RRM1: variants seen among roughly 807,000 people sequenced by gnomAD.
RRM1 encodes ribonucleoside-diphosphate reductase large subunit.
In RRM1, 19 loss-of-function variants were observed where a neutral mutation model predicts 101.5. That is an observed-to-expected ratio of 0.19 (90% confidence interval 0.13 to 0.27). RRM1 has a LOEUF of 0.27. RRM1 is among the 10% of genes least tolerant of loss of function. RRM1 has a pLI of 1.00. For missense variants in RRM1, 500 were observed against 962.9 expected, an observed-to-expected ratio of 0.52 and a Z score of 6.36; for synonymous variants, 298 against 323.4, an observed-to-expected ratio of 0.92 and a Z score of 0.84.
chr11:4,107,174 G>A (rs945725722), intron 3 of RRM1, among the ~76,000 whole-genome samples: 4 of 152,188 alleles, frequency 2.6e-5, no homozygotes, highest in Admixed American at 6.5e-5. Flanking sequence ...TTACAGGCGT[G>A]AGCCACCGCG....
intron 9 of RRM1, 53 bp downstream of exon 9, chr11:4,119,981 C>T (rs1193043231): frequency 9.6e-7 from 1 of 1,037,682 alleles, no homozygotes; most frequent in Non-Finnish European, 1.5e-6. Flanking sequence ...GTGATTTAGT[C>T]ATATACACTT....
intron 11 of RRM1, 143 bp downstream of exon 11, chr11:4,122,363 T>G: frequency 1.7e-6 from 1 of 579,202 alleles, no homozygotes; most frequent in Non-Finnish European, 3.0e-6. Flanking sequence ...TCAGATTTGC[T>G]TCCTGACTCT....
Position 4,107,512 on chromosome 11 carries a change from G to T in RRM1, c.364G>T (p.Asp122Tyr), listed in dbSNP as rs1173206687. 6.2e-7 allele frequency: 1 copy of T among 1,612,926 alleles called. No homozygotes were observed. Among genetic ancestry groups the T allele is most frequent in the Non-Finnish European group, 8.5e-7 (1 of 1,179,110 alleles). ...TCCCATGGTGGCCAAGTCAACATTGGATATTGTTCTGGCCAATAAAGATGT... is the reference window on the plus strand; with the variant it reads ...TCCCATGGTGGCCAAGTCAACATTGTATATTGTTCTGGCCAATAAAGATGT... Reference protein sequence around the residue: ...HSPMVAKSTLDIVLANKDRLN... With the variant: ...HSPMVAKSTLYIVLANKDRLN... Residue 122 changes from aspartate to tyrosine, a missense_variant, in exon 4 of 19, where the codon GAT (aspartate) becomes TAT (tyrosine). Coordinates refer to ENST00000300738, the MANE Select transcript of RRM1 (RefSeq NM_001033.5).
chr11:4,130,086 A>ATATATATATT (rs1202870487), intron 15 of RRM1, among the ~76,000 whole-genome samples: 5 of 99,446 alleles, frequency 5.0e-5, no homozygotes, highest in African/African-American at 2.1e-4. Context: ...ATATATATAT[A>ATATATATATT]TTTTTTTTTT....
In RRM1 at chr11:4,111,593, C is replaced by A; in HGVS notation, c.448-8C>A. 1 of 1,592,480 alleles carries A rather than the reference C, an allele frequency of 6.3e-7. No homozygotes were observed. The highest frequency in any genetic ancestry group is 1.2e-5 in the South Asian group (1 of 86,250). On this transcript the variant is annotated splice_polypyrimidine_tract_variant and splice_region_variant and intron_variant, in intron 5 of 18. Transcript: ENST00000300738. The stretch of plus-strand genomic sequence containing the variant: ...TCTGAAAATTTTTTGTTGTTTCTCT[C>A]TTTCTAGACGCTAGAGCGGTCTTAT...
intron 9 of RRM1, 97 bp downstream of exon 9, chr11:4,120,025 C>A: frequency 2.9e-6 from 2 of 692,856 alleles, no homozygotes; most frequent in East Asian, 2.7e-5. Flanking sequence ...TTCTAATTAC[C>A]TTTTTTTTAC....
intron 7 of RRM1, among the ~76,000 whole-genome samples, chr11:4,117,913 A>G (rs1238902342): frequency 6.6e-6 from 1 of 152,224 alleles, no homozygotes; most frequent in African/African-American, 2.4e-5. Flanking sequence ...GAATTGGTTG[A>G]CAATTGGAGA....
At chr11:4,114,685 C>T (rs983410252) in intron 7 of RRM1, among the ~76,000 whole-genome samples, 1 of 151,908 alleles carries the variant, frequency 6.6e-6, no homozygotes, top group Non-Finnish European at 1.5e-5. Context: ...ACTGGATGAC[C>T]ACTGTCGTAT....
At chr11:4,134,941 G>A (rs1211317526) in intron 17 of RRM1, 141 bp from the exon 18 acceptor site, 2 of 520,944 alleles carry the variant, frequency 3.8e-6, no homozygotes, top group Non-Finnish European at 6.5e-6. Flanking sequence ...ACTTGATAAG[G>A]ATCATATCAT....
chr11:4,118,217 A>G, intron 7 of RRM1, 103 bp from the exon 8 acceptor site: 3 of 1,108,160 alleles, frequency 2.7e-6, no homozygotes, highest in Non-Finnish European at 2.6e-6. Flanking sequence ...CTAAACTTCA[A>G]CTCTTTTTTT....
chr11:4,100,577 C>A (rs1387881000), intron 1 of RRM1, among the ~76,000 whole-genome samples: 6 of 152,162 alleles, frequency 3.9e-5, no homozygotes, highest in Non-Finnish European at 8.8e-5. Flanking sequence ...CCTATAGTTA[C>A]AATGGATTGT....
intron 4 of RRM1, among the ~76,000 whole-genome samples, chr11:4,108,524 G>T (rs903246287): frequency 8.6e-5 from 13 of 151,314 alleles, no homozygotes; most frequent in African/African-American, 2.9e-4. Flanking sequence ...CGTGAACCCG[G>T]GAGGCGGAGC....
intron 11 of RRM1, among the ~76,000 whole-genome samples, 171 bp downstream of exon 11, chr11:4,122,391 T>C (rs2094583065): frequency 6.6e-6 from 1 of 152,256 alleles, no homozygotes; most frequent in South Asian, 2.1e-4. Flanking sequence ...AATTGAGTTG[T>C]GTCTTCTTCT....
In RRM1 at chr11:4,118,591, T is replaced by C. The variant is rs960784656; in HGVS notation, c.792+130T>C. ...TTAAATTACTAAATGGCTATGTGAC[T>C]TGGAGTGAGTCATTTTACTTCTGGC... On this transcript the variant is annotated intron_variant, in intron 8 of 18. Coordinates refer to ENST00000300738, the MANE Select transcript of RRM1 (RefSeq NM_001033.5). The C allele has an allele frequency of 1.1e-5, 9 of 790,740 alleles. No homozygotes were observed. In the Admixed American group the frequency reaches 2.2e-4, roughly 19 times the overall value. 49.0% of individuals were successfully genotyped at this position (790,740 alleles called of 1,614,324 possible).
intron 4 of RRM1, among the ~76,000 whole-genome samples, chr11:4,108,023 C>T (rs1453986876): frequency 2.6e-5 from 4 of 152,166 alleles, no homozygotes; most frequent in African/African-American, 9.7e-5. Context: ...ATGAATATAT[C>T]TGTAAGATAA....
intron 7 of RRM1, among the ~76,000 whole-genome samples, chr11:4,118,024 G>A (rs1023652248): frequency 1.3e-5 from 2 of 152,164 alleles, no homozygotes; most frequent in African/African-American, 2.4e-5. Flanking sequence ...AAAATAGCAC[G>A]TTTGCAGTCT....
intron 1 of RRM1, 144 bp downstream of exon 1, chr11:4,095,175 C>T (rs2094541825): frequency 2.0e-6 from 2 of 1,009,296 alleles, no homozygotes; most frequent in Non-Finnish European, 3.0e-6. Flanking sequence ...CCTGTCAGCC[C>T]GCTCGGCCTT....
At chr11:4,110,597 T>C (rs9667777) in intron 5 of RRM1, among the ~76,000 whole-genome samples, 141,087 of 151,772 alleles carry the variant, frequency 0.93, 65,656 homozygotes, top group Admixed American at 0.95. Context: ...GCGAAATGCC[T>C]TCTCTACTAA....
intron 14 of RRM1, among the ~76,000 whole-genome samples, chr11:4,128,161 CTTT>C (rs146980476): frequency 5.3e-5 from 7 of 133,026 alleles, no homozygotes; most frequent in African/African-American, 5.6e-5. Context: ...CCCTGTCCCG[CTTT>C]TTTTTTTTTT....
Sources: allele counts gnomAD v4.1 joint callset (sites outside exome capture counted in the v4.1 genomes callset), GRCh38; gene constraint gnomAD v4.1.1; transcripts MANE v1.5; gene names NCBI Gene and HGNC (gene_info 2026-07-23, HGNC 2026-07-21).